The following EPHA6 variants were observed in gnomAD, a reference collection of about 807,000 sequenced individuals.
EPHA6 encodes ephrin type-A receptor 6.
A neutral mutation model predicts 112.0 loss-of-function variants in EPHA6; 50 were observed. That is an observed-to-expected ratio of 0.45 (90% CI 0.36 to 0.56). The LOEUF (loss-of-function observed/expected upper bound fraction) is 0.56, where lower values mean the gene tolerates loss of function less well. EPHA6 is among the 20% of genes least tolerant of loss of function. The pLI is 0.00. For missense variants in EPHA6, 1,280 were observed against 1,417.4 expected (o/e 0.90, Z 1.56); for synonymous variants, 529 against 490.7 (o/e 1.08, Z -1.03).
In EPHA6 at chr3:97,108,555, A is replaced by G. The variant is rs150611632; in HGVS notation, c.1115-117709A>G. ...CAAAATGTTTGTGTAATGCTTCATT[A>G]TGTGACATTACAAAGTCATGAGATC... On this transcript the variant is annotated intron_variant, in intron 3 of 17. Coordinates refer to ENST00000389672, the MANE Select transcript of EPHA6 (RefSeq NM_001080448.3). Among the ~76,000 whole-genome samples, 882 of 152,304 alleles carry G rather than the reference A, an allele frequency of 5.8e-3. 6 individuals carry two copies. Among genetic ancestry groups the G allele is most frequent in the Non-Finnish European group, 9.6e-3 (651 of 68,020 alleles).
At chr3:97,627,305 A>G (rs771380117) in intron 13 of EPHA6, among the ~76,000 whole-genome samples, 13 of 151,896 alleles carry the variant, frequency 8.6e-5, no homozygotes, top group Non-Finnish European at 1.8e-4. Context: ...AATATATGGT[A>G]AGTCAGATGT....
intron 2 of EPHA6, among the ~76,000 whole-genome samples, chr3:96,933,398 T>A (rs1576081006): frequency 6.6e-6 from 1 of 152,300 alleles, no homozygotes; most frequent in East Asian, 1.9e-4. Context: ...CTTACCTAAT[T>A]AATTTTTTAG....
intron 6 of EPHA6, among the ~76,000 whole-genome samples, chr3:97,430,695 T>A (rs540344945): frequency 6.6e-6 from 1 of 152,274 alleles, no homozygotes; most frequent in African/African-American, 2.4e-5. Flanking sequence ...ATTACTTTAA[T>A]GAGATAAATT....
chr3:97,589,396 T>C (rs1007132994), intron 11 of EPHA6, among the ~76,000 whole-genome samples: 7 of 152,178 alleles, frequency 4.6e-5, no homozygotes, highest in Admixed American at 3.3e-4. Context: ...ATGCAGGCCA[T>C]GTCAGCTTCT....
At chr3:97,640,195 G>A (rs1033714517) in intron 14 of EPHA6, among the ~76,000 whole-genome samples, 1 of 152,046 alleles carries the variant, frequency 6.6e-6, no homozygotes, top group Non-Finnish European at 1.5e-5. Flanking sequence ...GTCAAAATGT[G>A]AACCAAATCT....
intron 3 of EPHA6, among the ~76,000 whole-genome samples, chr3:96,994,598 T>C (rs1262278431): frequency 6.6e-6 from 1 of 151,494 alleles, no homozygotes; most frequent in Non-Finnish European, 1.5e-5. Flanking sequence ...TCTTAAACAT[T>C]AATTTAGGAT....
intron 3 of EPHA6, among the ~76,000 whole-genome samples, chr3:97,020,791 A>C (rs1443391258): frequency 6.6e-6 from 1 of 152,150 alleles, no homozygotes; most frequent in African/African-American, 2.4e-5. Flanking sequence ...TATAATTTGC[A>C]TATATTCCCC....
chr3:97,183,912 G>A (rs2077055439), intron 3 of EPHA6, among the ~76,000 whole-genome samples: 1 of 152,034 alleles, frequency 6.6e-6, no homozygotes, highest in African/African-American at 2.4e-5. Context: ...CACTTCCTTA[G>A]TTCTGTGTTA....
At chr3:97,659,286 C>T (rs1345146363) in intron 14 of EPHA6, among the ~76,000 whole-genome samples, 1 of 151,782 alleles carries the variant, frequency 6.6e-6, no homozygotes, top group Non-Finnish European at 1.5e-5. Flanking sequence ...TAGAACAAAT[C>T]AGGTAGAAGA....
chr3:97,321,618 A>G (rs1459633211), intron 5 of EPHA6, among the ~76,000 whole-genome samples: 1 of 151,952 alleles, frequency 6.6e-6, no homozygotes, highest in Non-Finnish European at 1.5e-5. Context: ...TGACCCAAAT[A>G]TCATCTGAAA....
intron 11 of EPHA6, among the ~76,000 whole-genome samples, chr3:97,538,975 T>TTCTC (rs989264369): frequency 2.1e-5 from 3 of 140,170 alleles, no homozygotes; most frequent in South Asian, 2.3e-4. Context: ...ACTGGACACT[T>TTCTC]TCTCTCTCTT....
chr3:97,496,346 T>G (rs1408374084), intron 10 of EPHA6, among the ~76,000 whole-genome samples: 4 of 152,174 alleles, frequency 2.6e-5, no homozygotes, highest in Non-Finnish European at 5.9e-5. Context: ...CTGCTTGGGA[T>G]GAGCTTTACA....
intron 11 of EPHA6, among the ~76,000 whole-genome samples, chr3:97,553,278 T>G (rs987674517): frequency 3.9e-5 from 6 of 152,076 alleles, no homozygotes; most frequent in African/African-American, 1.4e-4. Flanking sequence ...ATCTCTCTGT[T>G]GCTTTGGGGC....
intron 3 of EPHA6, among the ~76,000 whole-genome samples, chr3:97,061,716 T>C (rs1376580421): frequency 6.6e-6 from 1 of 152,164 alleles, no homozygotes; most frequent in Admixed American, 6.6e-5. Flanking sequence ...AATGATGCCC[T>C]GTAAGAAGCC....
intron 14 of EPHA6, among the ~76,000 whole-genome samples, chr3:97,719,475 T>C (rs544826763): frequency 6.6e-6 from 1 of 152,284 alleles, no homozygotes; most frequent in African/African-American, 2.4e-5. Flanking sequence ...ATCAAATGGA[T>C]GAATTGTTTT....
chr3:97,387,354 C>G (rs2086133903), intron 5 of EPHA6, among the ~76,000 whole-genome samples: 1 of 145,814 alleles, frequency 6.9e-6, no homozygotes, highest in Non-Finnish European at 1.5e-5. Context: ...TGAGCATAAG[C>G]TTTTAGAAGC....
chr3:97,008,383 C>T (rs567324380), intron 3 of EPHA6, among the ~76,000 whole-genome samples: 18 of 152,172 alleles, frequency 1.2e-4, no homozygotes, highest in Admixed American at 2.6e-4. Context: ...ACCTTTCTTC[C>T]GCTGGGTCGA....
At chr3:97,371,262 A>G (rs1297753052) in intron 5 of EPHA6, among the ~76,000 whole-genome samples, 1 of 152,174 alleles carries the variant, frequency 6.6e-6, no homozygotes, top group African/African-American at 2.4e-5. Context: ...GAGAAAGTCA[A>G]CGCTCATTCA....
intron 3 of EPHA6, among the ~76,000 whole-genome samples, chr3:97,081,694 C>T (rs1238506850): frequency 6.6e-6 from 1 of 151,544 alleles, no homozygotes; most frequent in East Asian, 1.9e-4. Context: ...CTTGCATTCG[C>T]TGTAGTATTA....
Sources: allele counts gnomAD v4.1 joint callset (sites outside exome capture counted in the v4.1 genomes callset), GRCh38; gene constraint gnomAD v4.1.1; transcripts MANE v1.5; gene names NCBI Gene and HGNC (gene_info 2026-07-23, HGNC 2026-07-21).